Variants in CREB5 observed in about 807,000 individuals in gnomAD.
CREB5 encodes the protein cyclic AMP-responsive element-binding protein 5.
CREB5 carries 19 observed loss-of-function variants against 57.1 expected under a neutral mutation model. That is an observed-to-expected ratio of 0.33 (90% CI 0.23 to 0.49). The LOEUF (loss-of-function observed/expected upper bound fraction) is 0.49, where lower values mean the gene tolerates loss of function less well. Among genes scored for constraint, CREB5 ranks in the 20% least tolerant of loss-of-function variants. The pLI is 0.99. For missense variants in CREB5, 579 were observed against 671.6 expected (o/e 0.86, Z 1.52); for synonymous variants, 238 against 238.3 (o/e 1.00, Z 0.01).
In CREB5 at chr7:28,392,130, A is replaced by C. The variant is rs531109060; in HGVS notation, c.-25+92689A>C. Among the ~76,000 whole-genome samples, 19 of 152,272 alleles carry C rather than the reference A, an allele frequency of 1.2e-4. No homozygotes were observed. The South Asian group carries it at 2.3e-3, about 18-fold the overall frequency. On this transcript the variant is annotated intron_variant, in intron 1 of 9. Transcript: ENST00000396299. Reference sequence around the variant, plus strand: ...CACGCTGGGGCCTACCTGAGGGTGGACGGAGGGAGGAAGGAGAGGATCAGG... The same window carrying C: ...CACGCTGGGGCCTACCTGAGGGTGGCCGGAGGGAGGAAGGAGAGGATCAGG...
intron 5 of CREB5, among the ~76,000 whole-genome samples, chr7:28,623,822 T>A (rs537169911): frequency 6.6e-6 from 1 of 152,314 alleles, no homozygotes; most frequent in East Asian, 1.9e-4. Context: ...TAAGAGAATC[T>A]TTTTGATTTT....
At chr7:28,529,825 C>G (rs1333769731) in intron 4 of CREB5, among the ~76,000 whole-genome samples, 1 of 152,224 alleles carries the variant, frequency 6.6e-6, no homozygotes, top group Non-Finnish European at 1.5e-5. Context: ...TCAGCTCCAA[C>G]ACACTTTGCT....
intron 5 of CREB5, among the ~76,000 whole-genome samples, chr7:28,665,199 C>T (rs2128715865): frequency 6.6e-6 from 1 of 152,228 alleles, no homozygotes; most frequent in South Asian, 2.1e-4. Flanking sequence ...GAAGGACCAT[C>T]AGGGAGGGCC....
At chr7:28,683,840 C>T (rs1049039496) in intron 5 of CREB5, among the ~76,000 whole-genome samples, 33 of 152,116 alleles carry the variant, frequency 2.2e-4, no homozygotes, top group Admixed American at 1.0e-3. Context: ...GGATTCACCC[C>T]GGCCCTCTAA....
intron 1 of CREB5, among the ~76,000 whole-genome samples, chr7:28,464,102 CT>C (rs1462338020): frequency 6.6e-6 from 1 of 152,076 alleles, no homozygotes; most frequent in Non-Finnish European, 1.5e-5. Flanking sequence ...AGTTTTTATG[CT>C]TTATTCTATT....
chr7:28,580,864 A>C (rs1248907790), intron 5 of CREB5, among the ~76,000 whole-genome samples: 1 of 152,070 alleles, frequency 6.6e-6, no homozygotes, highest in African/African-American at 2.4e-5. Context: ...GGTTCATTTC[A>C]TTGGGTTTCA....
intron 4 of CREB5, among the ~76,000 whole-genome samples, chr7:28,534,679 A>T (rs1354832470): frequency 1.0e-5 from 1 of 96,672 alleles, no homozygotes; most frequent in Non-Finnish European, 2.5e-5. Flanking sequence ...TCCTTCACTT[A>T]TGCTTGTTTA....
chr7:28,488,505 G>A (rs1791668303), intron 2 of CREB5, among the ~76,000 whole-genome samples: 1 of 152,174 alleles, frequency 6.6e-6, no homozygotes, highest in South Asian at 2.1e-4. Context: ...CTTCCTCCTG[G>A]AAGCAAGCCA....
At chr7:28,342,589 T>C (rs1269760293) in intron 1 of CREB5, among the ~76,000 whole-genome samples, 1 of 152,232 alleles carries the variant, frequency 6.6e-6, no homozygotes, top group East Asian at 1.9e-4. Flanking sequence ...TAAGATTTCT[T>C]GAGTTTCAAA....
intron 5 of CREB5, among the ~76,000 whole-genome samples, chr7:28,700,771 A>G (rs1168545709): frequency 1.3e-5 from 2 of 152,126 alleles, no homozygotes; most frequent in Non-Finnish European, 2.9e-5. Flanking sequence ...TTTCGATAAA[A>G]ATAGAAGCTC....
rs1785759272 is a variant in CREB5, at chr7:28,333,755, C to A, written c.-25+34314C>A. Among the ~76,000 whole-genome samples the A allele has an allele frequency of 2.6e-5, 4 of 152,268 alleles. No homozygotes were observed. In the South Asian group the frequency reaches 6.2e-4, roughly 24 times the overall value. On this transcript the variant is annotated intron_variant, in intron 1 of 9. Transcript: ENST00000396299. ...TCTTTTTTATGGCTGAATAGTACTC[C>A]ATTGTGTATATGTACCACATTTTTT...
At chr7:28,391,359 A>G (rs1787212107) in intron 1 of CREB5, among the ~76,000 whole-genome samples, 1 of 152,142 alleles carries the variant, frequency 6.6e-6, no homozygotes, top group Non-Finnish European at 1.5e-5. Flanking sequence ...CTTTTCCTCC[A>G]TCTTTTCTCA....
intron 7 of CREB5, among the ~76,000 whole-genome samples, chr7:28,774,963 T>G (rs1001783051): frequency 6.6e-6 from 1 of 152,332 alleles, no homozygotes; most frequent in South Asian, 2.1e-4. Flanking sequence ...GATCCCAATT[T>G]GTTCTCACTA....
chr7:28,691,120 G>C (rs1246430322), intron 5 of CREB5, among the ~76,000 whole-genome samples: 1 of 152,176 alleles, frequency 6.6e-6, no homozygotes. Context: ...TTCCTAGCTT[G>C]AATAAAAGAA....
intron 1 of CREB5, among the ~76,000 whole-genome samples, chr7:28,454,144 G>T (rs1034480066): frequency 1.3e-5 from 2 of 151,982 alleles, no homozygotes; most frequent in Non-Finnish European, 2.9e-5. Flanking sequence ...TAGAAGAGAC[G>T]GGGCTTCATC....
At chr7:28,488,277 T>C (rs1373368790) in intron 2 of CREB5, 31 bp downstream of exon 2, 3 of 1,594,210 alleles carry the variant, frequency 1.9e-6, no homozygotes, top group Admixed American at 3.4e-5. Flanking sequence ...TGCTCTGACA[T>C]GCAGGGCCTG....
chr7:28,560,233 A>C (rs551974162), intron 4 of CREB5, among the ~76,000 whole-genome samples: 1 of 152,276 alleles, frequency 6.6e-6, no homozygotes, highest in Admixed American at 6.5e-5. Flanking sequence ...AGGAGAGGAA[A>C]TTCTAGGCCT....
intron 8 of CREB5, among the ~76,000 whole-genome samples, chr7:28,807,775 A>G (rs939330646): frequency 1.3e-5 from 2 of 152,160 alleles, no homozygotes; most frequent in African/African-American, 4.8e-5. Flanking sequence ...CTGAGTGACT[A>G]AGAAATGGGA....
intron 9 of CREB5, 47 bp downstream of exon 9, chr7:28,809,461 C>T (rs1808968644): frequency 6.6e-7 from 1 of 1,517,662 alleles, no homozygotes; most frequent in Non-Finnish European, 8.9e-7. Context: ...CCCTCTGCTC[C>T]ACGGGCATTT....
Sources: allele counts gnomAD v4.1 joint callset (sites outside exome capture counted in the v4.1 genomes callset), GRCh38; gene constraint gnomAD v4.1.1; transcripts MANE v1.5; gene names NCBI Gene and HGNC (gene_info 2026-07-23, HGNC 2026-07-21).